Variants in WWOX observed in about 807,000 individuals in gnomAD.
The protein encoded by WWOX is WW domain containing oxidoreductase.
A neutral mutation model predicts 46.2 loss-of-function variants in WWOX; 69 were observed. The ratio of observed to expected loss-of-function variants is 1.49; its 90% CI spans 1.23 to 1.82. WWOX has a LOEUF of 1.82. Among genes scored for constraint, WWOX ranks in the 40% most tolerant of loss-of-function variants. The probability of loss-of-function intolerance (pLI) is 0.00; values close to 1 mark genes in which losing one functional copy is unlikely to be tolerated. For missense variants in WWOX, 919 were observed against 542.6 expected, an observed-to-expected ratio of 1.69 and a Z score of -6.89; for synonymous variants, 359 against 202.6, an observed-to-expected ratio of 1.77 and a Z score of -6.56.
chr16:78,593,561 G>A (rs902686955), intron 8 of WWOX, among the ~76,000 whole-genome samples: 17 of 152,190 alleles, frequency 1.1e-4, no homozygotes, highest in African/African-American at 3.4e-4. Context: ...ATGGGGGAAT[G>A]AGCATATATC....
intron 6 of WWOX, among the ~76,000 whole-genome samples, chr16:78,417,040 G>GGTGGGTGTGTGTGTGTGTGT (rs1555535316): frequency 6.6e-6 from 1 of 151,264 alleles, no homozygotes; most frequent in African/African-American, 2.4e-5. Flanking sequence ...ACCCTTTGGG[G>GGTGGGTGTGTGTGTGTGTGT]GTGTGTGTGT....
chr16:78,339,743 A>C (rs1289896219), intron 5 of WWOX, among the ~76,000 whole-genome samples: 1 of 117,204 alleles, frequency 8.5e-6, no homozygotes, highest in African/African-American at 2.9e-5. Context: ...TTTAAATTCT[A>C]TTTTGTGGCT....
intron 5 of WWOX, among the ~76,000 whole-genome samples, chr16:78,183,172 C>T (rs922011603): frequency 2.0e-5 from 3 of 151,968 alleles, no homozygotes. Context: ...GTATGCGAGA[C>T]GTTGTCCTTG....
rs150599650 is a variant in WWOX, at chr16:78,948,063, G to A, written c.1057-263545G>A. Among the ~76,000 whole-genome samples, 3 of 152,346 alleles carry A rather than the reference G, an allele frequency of 2.0e-5. 1 individual carries two copies. Among genetic ancestry groups the A allele is most frequent in the African/African-American group, 7.2e-5 (3 of 41,588 alleles). The stretch of plus-strand genomic sequence containing the variant: ...TGGTGGAGAGGAAAGAAGGCAGCCT[G>A]TGCCGTCAGAGAGAGTTCAACTCCA... On this transcript the variant is annotated intron_variant, in intron 8 of 8. Transcript: ENST00000566780.
intron 5 of WWOX, among the ~76,000 whole-genome samples, chr16:78,187,811 G>A (rs1029372722): frequency 7.9e-5 from 12 of 152,178 alleles, no homozygotes; most frequent in Non-Finnish European, 7.3e-5. Flanking sequence ...AGCAGGGCAA[G>A]AATGGTTCAA....
chr16:78,435,704 T>G (rs922483283), intron 8 of WWOX, among the ~76,000 whole-genome samples: 4 of 152,148 alleles, frequency 2.6e-5, no homozygotes, highest in African/African-American at 9.7e-5. Flanking sequence ...AGTGGCAACC[T>G]GGGACAGTGG....
chr16:79,053,318 G>T (rs80219526), intron 8 of WWOX, among the ~76,000 whole-genome samples: 9,741 of 152,128 alleles, frequency 0.064, 436 homozygotes, highest in African/African-American at 0.11. Flanking sequence ...CCCGAATGAA[G>T]CCGTTTTAAT....
At chr16:78,637,282 A>T (rs1377862959) in intron 8 of WWOX, among the ~76,000 whole-genome samples, 1 of 152,002 alleles carries the variant, frequency 6.6e-6, no homozygotes, top group Non-Finnish European at 1.5e-5. Context: ...TATCTACTAA[A>T]AATACAAAAA....
At chr16:78,895,032 C>G (rs529742095) in intron 8 of WWOX, among the ~76,000 whole-genome samples, 1 of 152,308 alleles carries the variant, frequency 6.6e-6, no homozygotes, top group Admixed American at 6.5e-5. Context: ...TTTACGAGAA[C>G]TCTATGTCTT....
intron 5 of WWOX, among the ~76,000 whole-genome samples, chr16:78,285,354 A>G (rs1162869020): frequency 6.6e-6 from 1 of 152,124 alleles, no homozygotes; most frequent in Admixed American, 6.5e-5. Flanking sequence ...CTGAGGCAGG[A>G]GGATCACTTG....
rs190468136 is a variant in WWOX, at chr16:78,603,167, C to T, written c.1056+170415C>T. Reference sequence around the variant, plus strand: ...GCTCTGTGCTATGCTGTTTTATGCACATCATCTTCTAACAGCTTCTCTGCC... The same window carrying T: ...GCTCTGTGCTATGCTGTTTTATGCATATCATCTTCTAACAGCTTCTCTGCC... On this transcript the variant is annotated intron_variant, in intron 8 of 8. Transcript: ENST00000566780. Among the ~76,000 whole-genome samples the T allele has an allele frequency of 7.2e-4, 110 of 152,334 alleles. 1 individual carries two copies. Among genetic ancestry groups the T allele is most frequent in the Middle Eastern group, 3.4e-3 (1 of 294 alleles).
intron 8 of WWOX, among the ~76,000 whole-genome samples, chr16:78,454,745 C>A (rs573297679): frequency 6.6e-6 from 1 of 152,204 alleles, no homozygotes; most frequent in Non-Finnish European, 1.5e-5. Context: ...GATCCATCCT[C>A]CTCAGCCTCC....
intron 7 of WWOX, 47 bp from the exon 8 acceptor site, chr16:78,432,441 G>T: frequency 3.1e-6 from 5 of 1,607,608 alleles, no homozygotes; most frequent in Non-Finnish European, 4.2e-6. Context: ...AAAGCTGTGT[G>T]GGAAGTCAGA....
intron 5 of WWOX, chr16:78,238,292 G>A (rs1277448557): frequency 6.6e-6 from 1 of 152,264 alleles, no homozygotes; most frequent in Admixed American, 6.5e-5. Flanking sequence ...TAGTGTGAAT[G>A]TTCATTTTGT....
At chr16:78,352,966 T>A (rs2151907447) in intron 5 of WWOX, among the ~76,000 whole-genome samples, 1 of 152,338 alleles carries the variant, frequency 6.6e-6, no homozygotes. Flanking sequence ...TTTAAAAATA[T>A]TTCTCTCACT....
intron 8 of WWOX, chr16:78,996,418 A>C: frequency 2.3e-6 from 2 of 851,694 alleles, no homozygotes; most frequent in Non-Finnish European, 2.7e-6. Context: ...TGATTTGCTC[A>C]AAGTTTGCAA....
intron 8 of WWOX, among the ~76,000 whole-genome samples, chr16:78,522,628 G>A (rs541975786): frequency 2.6e-5 from 4 of 152,232 alleles, no homozygotes; most frequent in Non-Finnish European, 5.9e-5. Flanking sequence ...GCCGCAAGAG[G>A]AAATGGTATT....
chr16:78,776,217 T>C (rs1337536118), intron 8 of WWOX, among the ~76,000 whole-genome samples: 1 of 152,100 alleles, frequency 6.6e-6, no homozygotes, highest in Non-Finnish European at 1.5e-5. Context: ...ACAACTTTTG[T>C]GTCTAAGGAT....
At chr16:78,673,290 TAGAG>T (rs2047510990) in intron 8 of WWOX, among the ~76,000 whole-genome samples, 2 of 152,160 alleles carry the variant, frequency 1.3e-5, no homozygotes, top group African/African-American at 4.8e-5. Context: ...GCACTAGCCT[TAGAG>T]AGAGGATGCC....
Sources: gnomAD v4.1 joint callset for allele counts (sites outside exome capture counted in the v4.1 genomes callset) on GRCh38, gnomAD v4.1.1 for gene constraint, MANE v1.5 for transcripts, NCBI Gene and HGNC (gene_info 2026-07-23, HGNC 2026-07-21) for gene names.